The following LIPA variants were observed in gnomAD, a reference collection of about 807,000 sequenced individuals.
LIPA encodes lysosomal acid lipase/cholesteryl ester hydrolase.
A neutral mutation model predicts 40.6 loss-of-function variants in LIPA; 26 were observed. The ratio of observed to expected loss-of-function variants is 0.64; its 90% CI spans 0.47 to 0.89. The LOEUF is 0.89. Ranked by LOEUF, LIPA falls within the 40% of genes least tolerant of loss-of-function variation. The probability of loss-of-function intolerance (pLI) is 0.00; values close to 1 mark genes in which losing one functional copy is unlikely to be tolerated. For missense variants in LIPA, 455 were observed against 479.6 expected (o/e 0.95, Z 0.48); for synonymous variants, 188 against 168.4 (o/e 1.12, Z -0.90).
At chr10:89,224,516 T>C (rs747879048) in intron 6 of LIPA, among the ~76,000 whole-genome samples, 1 of 152,236 alleles carries the variant, frequency 6.6e-6, no homozygotes, top group Admixed American at 6.5e-5. Flanking sequence ...AAAAGACATA[T>C]AATGCATGCA....
At chr10:89,410,475 G>A (rs1426753954) in intron 2 of LIPA, among the ~76,000 whole-genome samples, 1 of 152,152 alleles carries the variant, frequency 6.6e-6, no homozygotes, top group Admixed American at 6.5e-5. Context: ...CCTATATACC[G>A]ATGGAAGTTC....
At chr10:89,250,933 T>C (rs1843110621) in intron 1 of LIPA, among the ~76,000 whole-genome samples, 2 of 152,204 alleles carry the variant, frequency 1.3e-5, no homozygotes, top group Non-Finnish European at 2.9e-5. Context: ...ATTTAGACTT[T>C]GTAACAATCT....
chr10:89,335,723 T>C (rs992737431), intron 1 of LIPA, among the ~76,000 whole-genome samples: 1 of 152,150 alleles, frequency 6.6e-6, no homozygotes, highest in African/African-American at 2.4e-5. Flanking sequence ...CATATGTACC[T>C]ACAAATCTGC....
rs574542552 is a variant in LIPA at position 89,314,311 on chromosome 10, A to C, written c.-2+28300T>G. Reference sequence around the variant, plus strand: ...GCAAATTGGCACAAAGAAAGAGTCCAAATACAGAAGAGAATTTGACTCCAT... The same window carrying C: ...GCAAATTGGCACAAAGAAAGAGTCCCAATACAGAAGAGAATTTGACTCCAT... On this transcript the variant is annotated intron_variant, in intron 1 of 5. Coordinates refer to the LIPA transcript ENST00000282673. Among the ~76,000 whole-genome samples, 5 of 152,374 alleles carry C rather than the reference A, an allele frequency of 3.3e-5. No homozygotes were observed. The South Asian group carries it at 1.0e-3, about 32-fold the overall frequency.
chr10:89,329,310 T>A (rs926259852), intron 1 of LIPA, among the ~76,000 whole-genome samples: 6 of 152,194 alleles, frequency 3.9e-5, no homozygotes, highest in Non-Finnish European at 7.3e-5. Flanking sequence ...TACCCTTTTA[T>A]ATAGAATAAG....
chr10:89,389,309 G>C (rs1844229497), intron 2 of LIPA, among the ~76,000 whole-genome samples: 1 of 152,188 alleles, frequency 6.6e-6, no homozygotes, highest in Non-Finnish European at 1.5e-5. Context: ...TATGATTCTA[G>C]CATGAAAGCA....
intron 1 of LIPA, among the ~76,000 whole-genome samples, chr10:89,322,005 T>C (rs912517019): frequency 6.6e-6 from 1 of 151,618 alleles, no homozygotes; most frequent in Non-Finnish European, 1.5e-5. Context: ...CACTCATAAG[T>C]CGGAACTGAG....
chr10:89,296,264 C>T (rs182425367), intron 1 of LIPA, among the ~76,000 whole-genome samples: 2 of 152,098 alleles, frequency 1.3e-5, no homozygotes, highest in East Asian at 1.9e-4. Context: ...CTTCCCAAGG[C>T]GGGCAGATCC....
intron 8 of LIPA, 133 bp downstream of exon 8, chr10:89,222,377 AC>A: frequency 1.4e-6 from 1 of 726,094 alleles, no homozygotes; most frequent in Non-Finnish European, 2.5e-6. Context: ...GATGACAAAA[AC>A]CCAGGACTCT....
At chr10:89,236,866 G>A (rs1441026391) in intron 3 of LIPA, among the ~76,000 whole-genome samples, 4 of 152,132 alleles carry the variant, frequency 2.6e-5, no homozygotes, top group Non-Finnish European at 4.4e-5. Flanking sequence ...TCAAGAAAAA[G>A]CAAAGTCATT....
intron 8 of LIPA, among the ~76,000 whole-genome samples, chr10:89,222,069 T>C (rs1205218564): frequency 6.6e-6 from 1 of 152,170 alleles, no homozygotes; most frequent in Non-Finnish European, 1.5e-5. Flanking sequence ...TCCAAGCATA[T>C]TGTGATCAGG....
intron 3 of LIPA, among the ~76,000 whole-genome samples, chr10:89,238,018 T>C (rs1842926424): frequency 6.6e-6 from 1 of 152,234 alleles, no homozygotes; most frequent in Admixed American, 6.5e-5. Flanking sequence ...ATGCCATTGT[T>C]GTTACAGAAA....
intron 2 of LIPA, chr10:89,404,604 CCCTT>C (rs1844499117): frequency 1.3e-5 from 2 of 152,254 alleles, no homozygotes; most frequent in African/African-American, 4.8e-5. Flanking sequence ...GTAATACCCT[CCCTT>C]CCTCCAAGAG....
At chr10:89,282,282 A>C (rs1209504020) in intron 1 of LIPA, among the ~76,000 whole-genome samples, 2 of 152,230 alleles carry the variant, frequency 1.3e-5, no homozygotes, top group Non-Finnish European at 2.9e-5. Flanking sequence ...TATCACAAAC[A>C]GTTGGTGACA....
intron 8 of LIPA, among the ~76,000 whole-genome samples, chr10:89,218,683 C>T (rs1034915228): frequency 6.6e-6 from 1 of 152,206 alleles, no homozygotes; most frequent in Non-Finnish European, 1.5e-5. Flanking sequence ...CGGGCTGCAA[C>T]CAGGCAGAAG....
chr10:89,218,689 A>G (rs1222403632), intron 8 of LIPA, among the ~76,000 whole-genome samples: 3 of 152,204 alleles, frequency 2.0e-5, no homozygotes, highest in Non-Finnish European at 2.9e-5. Flanking sequence ...GCAACCAGGC[A>G]GAAGAGGACA....
At chr10:89,262,237 A>C (rs888388700) in intron 1 of LIPA, among the ~76,000 whole-genome samples, 27 of 152,204 alleles carry the variant, frequency 1.8e-4, no homozygotes, top group African/African-American at 6.5e-4. Flanking sequence ...CCAAAAAAAA[A>C]AATCAGCATA....
At chr10:89,280,066 GA>G (rs1463164524) in intron 1 of LIPA, among the ~76,000 whole-genome samples, 5 of 151,282 alleles carry the variant, frequency 3.3e-5, no homozygotes, top group East Asian at 3.9e-4. Flanking sequence ...TGTTGTCCTT[GA>G]AAAAAAATAG....
upstream of LIPA, among the ~76,000 whole-genome samples, chr10:89,254,784 A>G (rs1172806291): frequency 6.6e-6 from 1 of 152,212 alleles, no homozygotes; most frequent in East Asian, 1.9e-4. Context: ...TTTACTGCTT[A>G]GAAATTTCTT....
Sources: allele counts gnomAD v4.1 joint callset (sites outside exome capture counted in the v4.1 genomes callset), GRCh38; gene constraint gnomAD v4.1.1; transcripts MANE v1.5; gene names NCBI Gene and HGNC (gene_info 2026-07-23, HGNC 2026-07-21).